KIAA1217: variants seen among roughly 807,000 people sequenced by gnomAD.
KIAA1217 encodes KIAA1217, also known as sickle tail protein homolog.
KIAA1217 carries 88 observed loss-of-function variants against 163.9 expected under a neutral mutation model. That is an observed-to-expected ratio of 0.54 (90% CI 0.45 to 0.64). The LOEUF (loss-of-function observed/expected upper bound fraction) is 0.64. KIAA1217 is among the 30% of genes least tolerant of loss of function. The pLI, the probability that KIAA1217 is intolerant of heterozygous loss-of-function variation, is 0.00. For synonymous variants in KIAA1217, 903 were observed against 923.1 expected (o/e 0.98, Z 0.39); for missense variants, 2,372 against 2,475.0 (o/e 0.96, Z 0.88).
At chr10:24,508,467 C>T (rs554521490) in intron 9 of KIAA1217, among the ~76,000 whole-genome samples, 1 of 152,148 alleles carries the variant, frequency 6.6e-6, no homozygotes, top group Non-Finnish European at 1.5e-5. Flanking sequence ...CTGTTTAACA[C>T]TGTACTGAAG....
chr10:23,740,659 C>A (rs1190890521), intron 1 of KIAA1217, among the ~76,000 whole-genome samples: 1 of 152,102 alleles, frequency 6.6e-6, no homozygotes. Context: ...TATACCTGGC[C>A]TTGTTTTGAT....
chr10:24,449,591 T>C, intron 5 of KIAA1217: 1 of 985,438 alleles, frequency 1.0e-6, no homozygotes, highest in Non-Finnish European at 1.2e-6. Flanking sequence ...TGGATACTGC[T>C]CCTTTAAACC....
intron 2 of KIAA1217, among the ~76,000 whole-genome samples, chr10:24,140,964 C>T (rs1017643845): frequency 2.6e-5 from 4 of 152,152 alleles, no homozygotes; most frequent in Admixed American, 2.0e-4. Context: ...GTAAAGGCAC[C>T]GTGTCTCTCC....
rs572033386 is a variant in KIAA1217 at position 24,365,954 on chromosome 10, C to T, written c.355-14915C>T. Among the ~76,000 whole-genome samples, 167 of 152,180 alleles carry T rather than the reference C, an allele frequency of 1.1e-3. 1 individual carries two copies. The highest frequency in any genetic ancestry group is 3.9e-3 in the African/African-American group (164 of 41,520). On this transcript the variant is annotated intron_variant, in intron 2 of 20. Coordinates refer to ENST00000376454, the MANE Select transcript of KIAA1217 (RefSeq NM_019590.5). ...ATTGTATAATTCAATCATGACGGTA[C>T]TTAGAGGCTCCTATATGTTACTAGT...
At chr10:23,739,831 G>A (rs1159692138) in intron 1 of KIAA1217, among the ~76,000 whole-genome samples, 3 of 152,162 alleles carry the variant, frequency 2.0e-5, no homozygotes, top group South Asian at 2.1e-4. Flanking sequence ...GCAGGTGGGA[G>A]CAGCAGCGGA....
intron 2 of KIAA1217, among the ~76,000 whole-genome samples, chr10:24,087,326 G>A (rs982548917): frequency 8.5e-5 from 13 of 152,160 alleles, no homozygotes; most frequent in Admixed American, 3.9e-4. Flanking sequence ...TTCTGAAGGT[G>A]CTTCTAAAGT....
At chr10:24,280,809 CAA>C (rs71281596) in intron 2 of KIAA1217, among the ~76,000 whole-genome samples, 14 of 106,252 alleles carry the variant, frequency 1.3e-4, no homozygotes, top group Admixed American at 2.2e-4. Context: ...GACTCCGTCT[CAA>C]AAAAAAAAAA....
chr10:24,275,765 G>A (rs1277629635), intron 2 of KIAA1217: 1 of 527,286 alleles, frequency 1.9e-6, no homozygotes, highest in Non-Finnish European at 3.9e-6. Context: ...AATTACTTTT[G>A]CTCCAACTTA....
At chr10:23,896,710 A>G (rs1392277223) in intron 1 of KIAA1217, among the ~76,000 whole-genome samples, 1 of 152,110 alleles carries the variant, frequency 6.6e-6, no homozygotes, top group Admixed American at 6.6e-5. Context: ...TTGAGCAGCC[A>G]AACTTGGATG....
chr10:24,510,810 G>T (rs1204887577), intron 9 of KIAA1217, among the ~76,000 whole-genome samples: 2 of 152,174 alleles, frequency 1.3e-5, no homozygotes, highest in African/African-American at 4.8e-5. Flanking sequence ...CAAGGCACAG[G>T]AGAGCTGATC....
At chr10:23,714,745 G>A (rs1837466663) in intron 1 of KIAA1217, among the ~76,000 whole-genome samples, 1 of 152,082 alleles carries the variant, frequency 6.6e-6, no homozygotes, top group Non-Finnish European at 1.5e-5. Flanking sequence ...AAATACAAAA[G>A]GAGCTGAGAA....
At chr10:24,000,186 A>C (rs187027072) in intron 1 of KIAA1217, among the ~76,000 whole-genome samples, 46 of 152,348 alleles carry the variant, frequency 3.0e-4, no homozygotes, top group African/African-American at 1.0e-3. Context: ...ATACCTTTAT[A>C]TAACTAGCGA....
At chr10:24,515,039 AC>A (rs748899570) in intron 10 of KIAA1217, among the ~76,000 whole-genome samples, 1 of 151,796 alleles carries the variant, frequency 6.6e-6, no homozygotes, top group Non-Finnish European at 1.5e-5. Context: ...CCTTTTAAAA[AC>A]ATTTATATAA....
chr10:24,068,380 G>T (rs1281571553), intron 2 of KIAA1217, among the ~76,000 whole-genome samples: 3 of 151,988 alleles, frequency 2.0e-5, no homozygotes, highest in East Asian at 3.9e-4. Context: ...CTTTGTTTAT[G>T]TACTGTTCTA....
intron 3 of KIAA1217, among the ~76,000 whole-genome samples, chr10:24,397,406 C>A (rs377392471): frequency 6.6e-6 from 1 of 152,150 alleles, no homozygotes. Context: ...AAACTCTTAA[C>A]CGAGGATATG....
chr10:24,428,582 CAGAT>C (rs2059353846), intron 3 of KIAA1217, among the ~76,000 whole-genome samples: 1 of 152,128 alleles, frequency 6.6e-6, no homozygotes, highest in Admixed American at 6.5e-5. Flanking sequence ...TCTTATAGCT[CAGAT>C]AGACCCACAA....
In KIAA1217 at chr10:24,473,271, C is replaced by T. The variant is rs2063716150; in HGVS notation, c.890C>T (p.Ala297Val). The change falls in exon 6 of 21, where the codon GCC becomes GTC. Residue 297 changes from alanine to valine, a missense_variant. Transcript: ENST00000376454. ...TATGCAAGAGGAGATGGCCCTGGGG[C>T]CCCTCGCCCCGGATCTACTGCTCAT... Reference protein sequence around the residue: ...LVYARGDGPGAPRPGSTAHPP... With the variant: ...LVYARGDGPGVPRPGSTAHPP... The T allele has an allele frequency of 3.3e-6, 5 of 1,520,506 alleles. No individual in the cohort carries two copies. The South Asian group carries it at 6.6e-5, about 20-fold the overall frequency. 94.2% of individuals were successfully genotyped at this position (1,520,506 alleles called of 1,614,324 possible). A position where few individuals can be genotyped will look rare whatever the true frequency, so the allele number is the denominator to read the frequency against.
At chr10:23,866,000 C>T (rs1463459327) in intron 1 of KIAA1217, among the ~76,000 whole-genome samples, 1 of 152,158 alleles carries the variant, frequency 6.6e-6, no homozygotes, top group Admixed American at 6.5e-5. Flanking sequence ...AAATCAACAA[C>T]CTCCTCAGCT....
At chr10:24,511,805 T>C (rs2069211849) in intron 9 of KIAA1217, among the ~76,000 whole-genome samples, 1 of 152,178 alleles carries the variant, frequency 6.6e-6, no homozygotes, top group Non-Finnish European at 1.5e-5. Context: ...TCTATGTGGT[T>C]CCCTCCCAGA....
Sources: gnomAD v4.1 joint callset for allele counts (sites outside exome capture counted in the v4.1 genomes callset) on GRCh38, gnomAD v4.1.1 for gene constraint, MANE v1.5 for transcripts, NCBI Gene and HGNC (gene_info 2026-07-23, HGNC 2026-07-21) for gene names.